ZNF662: variants seen among roughly 807,000 people sequenced by gnomAD.
ZNF662 encodes zinc finger protein 662.
A neutral mutation model predicts 12.4 loss-of-function variants in ZNF662; 14 were observed. The observed-to-expected ratio is 1.13, with a 90% confidence interval of 0.75 to 1.77. ZNF662 has a LOEUF of 1.77. Among genes scored for constraint, ZNF662 ranks in the 40% most tolerant of loss-of-function variants. The pLI is 0.00. For synonymous variants in ZNF662, 184 were observed against 176.4 expected (o/e 1.04, Z -0.34); for missense variants, 550 against 515.6 (o/e 1.07, Z -0.65).
At chr3:42,913,862 C>T (rs1001578871) in intron 4 of ZNF662, among the ~76,000 whole-genome samples, 1 of 152,126 alleles carries the variant, frequency 6.6e-6, no homozygotes, top group African/African-American at 2.4e-5. Context: ...GAAGACTATA[C>T]TTCCTTTTAG....
At chr3:42,909,062 T>TA (rs905876858) in intron 3 of ZNF662, among the ~76,000 whole-genome samples, 153 bp downstream of exon 3, 1 of 152,222 alleles carries the variant, frequency 6.6e-6, no homozygotes. Flanking sequence ...CTTCTTTTTT[T>TA]AAAAAAATTT....
Position 42,918,241 on chromosome 3 carries a change from G to A in ZNF662, c.*2887G>A, listed in dbSNP as rs1031185019. Among the ~76,000 whole-genome samples, 1 of 152,176 alleles carries A rather than the reference G, an allele frequency of 6.6e-6. No individual in the cohort carries two copies. The highest frequency in any genetic ancestry group is 2.4e-5 in the African/African-American group (1 of 41,446). ...TAGTTCAGCTAAAATCTGGGTTCTT[G>A]TCTCATGACCAGGAAAAATTAGTCA... On this transcript the variant is annotated 3_prime_UTR_variant, in exon 5 of 5. Transcript: ENST00000440367.
chr3:42,917,672 T>C lies in ZNF662; in HGVS notation c.*2318T>C. The C allele has an allele frequency of 1.5e-6, 1 of 655,298 alleles. No individual in the cohort carries two copies. Among genetic ancestry groups the C allele is most frequent in the Non-Finnish European group, 2.7e-6 (1 of 367,678 alleles). The allele number at this position is 655,298 out of a possible 1,614,324, so 40.6% of individuals were successfully genotyped here. ...AGTTGAGTTTTCTGTTATTTGCAAC[T>C]TAGCCACACTAATACTGTTTTGTGT... On this transcript the variant is annotated 3_prime_UTR_variant, in exon 5 of 5. Transcript: ENST00000440367.
intron 1 of ZNF662, 31 bp from the exon 2 acceptor site, chr3:42,907,991 T>C: frequency 6.2e-7 from 1 of 1,613,452 alleles, no homozygotes; most frequent in Non-Finnish European, 8.5e-7. Context: ...CCTGGGGTTG[T>C]CCTAGGGCAT....
At chr3:42,912,222 A>C (rs961135394) in intron 3 of ZNF662, among the ~76,000 whole-genome samples, 1 of 136,544 alleles carries the variant, frequency 7.3e-6, no homozygotes, top group African/African-American at 2.7e-5. Context: ...TAATCATATA[A>C]ATAAAATATA....
chr3:42,907,216 A>G (rs1243277799), intron 1 of ZNF662, among the ~76,000 whole-genome samples: 1 of 152,204 alleles, frequency 6.6e-6, no homozygotes, highest in Non-Finnish European at 1.5e-5. Flanking sequence ...TGAGACTCCT[A>G]GAGATATAGA....
intron 3 of ZNF662, among the ~76,000 whole-genome samples, chr3:42,912,696 T>TTCA (rs1553609519): frequency 4.7e-5 from 2 of 42,586 alleles, no homozygotes; most frequent in African/African-American, 1.7e-4. Flanking sequence ...TATATATATT[T>TTCA]TATATATATA....
At position 42,915,017 on chromosome 3, in the gene ZNF662, G is replaced by A. The variant is rs781432572; in HGVS notation, c.944G>A (p.Arg315Gln). The A allele has an allele frequency of 5.6e-6, 9 of 1,613,900 alleles. No homozygotes were observed. The highest frequency in any genetic ancestry group is 3.3e-5 in the South Asian group (3 of 91,066). ...TCKECGKSFT[R>Q]NPALLRHQRM... ...AAGGAATGTGGGAAAAGCTTTACTCGAAACCCAGCCCTTCTTCGACATCAG... is the reference window on the plus strand; with the variant it reads ...AAGGAATGTGGGAAAAGCTTTACTCAAAACCCAGCCCTTCTTCGACATCAG... Residue 315 changes from arginine (R) to glutamine (Q), a missense_variant, in exon 5 of 5, where the codon CGA becomes CAA. Transcript: ENST00000440367.
Position 42,916,588 on chromosome 3 carries a change from TCTC to T in ZNF662, c.*1237_*1239del, listed in dbSNP as rs2088898761. On this transcript the variant is annotated 3_prime_UTR_variant, in exon 5 of 5. Coordinates refer to ENST00000440367, the MANE Select transcript of ZNF662 (RefSeq NM_207404.4). The stretch of plus-strand genomic sequence containing the variant: ...ACCATGTTAGCCAGGCTGGTCTCGA[TCTC>T]CTGACCTTGTGATCCACCTGTCTCG... The T allele has an allele frequency of 6.6e-6, 1 of 152,024 alleles. No homozygotes were observed. The highest frequency in any genetic ancestry group is 2.4e-5 in the African/African-American group (1 of 41,348). The allele number at this position is 152,024 out of a possible 1,614,324, so 9.4% of individuals were successfully genotyped here.
rs1018447198 is a variant in ZNF662, at chr3:42,917,926, G to C, written c.*2572G>C. Among the ~76,000 whole-genome samples the C allele has an allele frequency of 1.3e-5, 2 of 152,182 alleles. No homozygotes were observed. Among genetic ancestry groups the C allele is most frequent in the African/African-American group, 4.8e-5 (2 of 41,440 alleles). Reference sequence around the variant, plus strand: ...GTTCAAGACCAGCCTGACCAACATAGAGAGACCCCGTCTCTACTAAAAATA... The same window carrying C: ...GTTCAAGACCAGCCTGACCAACATACAGAGACCCCGTCTCTACTAAAAATA... On this transcript the variant is annotated 3_prime_UTR_variant, in exon 5 of 5. Transcript: ENST00000440367.
Position 42,915,364 on chromosome 3 carries a change from A to G in ZNF662, c.*10A>G. 6.5e-7 allele frequency: 1 copy of G among 1,534,988 alleles called. No homozygotes were observed. Among genetic ancestry groups the G allele is most frequent in the Non-Finnish European group, 8.7e-7 (1 of 1,145,166 alleles). ...CCTTCTTGAACATTAGAGAGTGCAT[A>G]ATGGTGATACTTGTTTATAATTCTT... On this transcript the variant is annotated 3_prime_UTR_variant, in exon 5 of 5. Coordinates refer to ENST00000440367, the MANE Select transcript of ZNF662 (RefSeq NM_207404.4).
chr3:42,913,117 C>G, intron 3 of ZNF662, 84 bp from the exon 4 acceptor site: 1 of 932,758 alleles, frequency 1.1e-6, no homozygotes, highest in South Asian at 1.4e-5. Context: ...TTATTCTCTC[C>G]CTACCACTTC....
rs1204228659 is a variant in ZNF662, at chr3:42,916,360, CTT to C, written c.*1028_*1029del. 33 of 104,436 alleles carry C rather than the reference CTT, an allele frequency of 3.2e-4. No individual in the cohort carries two copies. Among genetic ancestry groups the C allele is most frequent in the African/African-American group, 3.4e-4 (9 of 26,388 alleles). 6.5% of individuals were successfully genotyped at this position (104,436 alleles called of 1,614,324 possible). On this transcript the variant is annotated 3_prime_UTR_variant, in exon 5 of 5. Transcript: ENST00000440367. ...GGAAACAGCAGAGGGTAATCCAGGT[CTT>C]TTTTTTTTTTTTTTTTTTTTTAGAC...
intron 3 of ZNF662, among the ~76,000 whole-genome samples, chr3:42,910,319 C>T (rs2088767434): frequency 6.6e-6 from 1 of 152,082 alleles, no homozygotes; most frequent in African/African-American, 2.4e-5. Context: ...CCAGCCTTGG[C>T]TGGGCTTTAG....
chr3:42,914,545 A>T lies in ZNF662; in HGVS notation c.472A>T (p.Ile158Phe), dbSNP rs1414726446. The part of the protein sequence containing the change: ...ESSTNDIIEV[I>F]VKDEMISVEE... ...TTCTACAAATGATATTATAGAAGTG[A>T]TTGTCAAGGATGAGATGATCTCAGT... The change falls in exon 5 of 5, where the codon ATT becomes TTT. Residue 158 changes from isoleucine to phenylalanine, a missense_variant. By Grantham distance (21) the Ile-to-Phe change is conservative. Coordinates refer to ENST00000440367, the MANE Select transcript of ZNF662 (RefSeq NM_207404.4). 1 of 1,614,130 alleles carries T rather than the reference A, an allele frequency of 6.2e-7. No homozygotes were observed. The highest frequency in any genetic ancestry group is 8.5e-7 in the Non-Finnish European group (1 of 1,180,026).
chr3:42,915,496 A>G lies in ZNF662; in HGVS notation c.*142A>G. On this transcript the variant is annotated 3_prime_UTR_variant, in exon 5 of 5. Coordinates refer to ENST00000440367, the MANE Select transcript of ZNF662 (RefSeq NM_207404.4). ...TTGCCCTTTTGAACATTTACCATGT[A>G]CTCTAGCAAGACTGGTCCCTCTGTT... The G allele has an allele frequency of 1.4e-6, 1 of 719,152 alleles. No homozygotes were observed. Among genetic ancestry groups the G allele is most frequent in the South Asian group, 2.1e-5 (1 of 47,608 alleles). The allele number at this position is 719,152 out of a possible 1,614,324, so 44.5% of individuals were successfully genotyped here.
In ZNF662 at chr3:42,916,360, C is replaced by CT. The variant is rs1204228659; in HGVS notation, c.*1029dup. ...GGAAACAGCAGAGGGTAATCCAGGT[C>CT]TTTTTTTTTTTTTTTTTTTTTTTAG... On this transcript the variant is annotated 3_prime_UTR_variant, in exon 5 of 5. Transcript: ENST00000440367. The CT allele has an allele frequency of 0.035, 3,698 of 104,424 alleles. 198 individuals carry two copies. The highest frequency in any genetic ancestry group is 0.09 in the African/African-American group (2,369 of 26,372). The allele number at this position is 104,424 out of a possible 1,614,324, so 6.5% of individuals were successfully genotyped here.
Position 42,908,759 on chromosome 3 carries a change from ACT to A in ZNF662, c.35-32_35-31del, listed in dbSNP as rs768107959. ...CCTTGGGATTACTGTGTGCCATGCCACTCACCTGCCTGTCCCATTTCTTTCCT... is the reference window on the plus strand; with the variant it reads ...CCTTGGGATTACTGTGTGCCATGCCACACCTGCCTGTCCCATTTCTTTCCT... On this transcript the variant is annotated intron_variant, in intron 2 of 4. Coordinates refer to ENST00000440367, the MANE Select transcript of ZNF662 (RefSeq NM_207404.4). The A allele has an allele frequency of 1.0e-5, 16 of 1,601,390 alleles. No individual in the cohort carries two copies. In the African/African-American group the frequency reaches 2.1e-4, roughly 21 times the overall value.
chr3:42,907,003 G>A (rs2088692164), intron 1 of ZNF662, among the ~76,000 whole-genome samples: 1 of 152,168 alleles, frequency 6.6e-6, no homozygotes, highest in Non-Finnish European at 1.5e-5. Flanking sequence ...CCAAAGCCTT[G>A]GAGCCCTGGA....
Sources: gnomAD v4.1 joint callset for allele counts (sites outside exome capture counted in the v4.1 genomes callset) on GRCh38, gnomAD v4.1.1 for gene constraint, MANE v1.5 for transcripts, NCBI Gene and HGNC (gene_info 2026-07-23, HGNC 2026-07-21) for gene names.